TBCA: variants seen among roughly 807,000 people sequenced by gnomAD.
TBCA encodes the protein tubulin folding cofactor A, also known as tubulin-specific chaperone A.
In TBCA, 6 loss-of-function variants were observed where a neutral mutation model predicts 15.8. The ratio of observed to expected loss-of-function variants is 0.38; its 90% CI spans 0.21 to 0.75. TBCA has a LOEUF of 0.75. Ranked by LOEUF, TBCA falls within the 30% of genes least tolerant of loss-of-function variation. TBCA has a pLI of 0.46. For synonymous variants in TBCA, 32 were observed against 42.3 expected (o/e 0.76, Z 0.94); for missense variants, 90 against 131.2 (o/e 0.69, Z 1.53).
At chr5:77,764,857 C>T (rs1322120611) in intron 1 of TBCA, among the ~76,000 whole-genome samples, 1 of 152,116 alleles carries the variant, frequency 6.6e-6, no homozygotes, top group Admixed American at 6.5e-5. Flanking sequence ...CCATCCCAAA[C>T]AAGAAAACAT....
Position 77,771,624 on chromosome 5 carries a change from G to A in TBCA, c.53+4581C>T, listed in dbSNP as rs72772842. ...GGCTGCTATCCATTAGGTCAACTCT[G>A]CCATTTTGCCAACATGCTGAAATGG... On this transcript the variant is annotated intron_variant, in intron 1 of 3. Transcript: ENST00000380377. Among the ~76,000 whole-genome samples, 1,433 of 152,262 alleles carry A rather than the reference G, an allele frequency of 9.4e-3. 14 individuals carry two copies. Among genetic ancestry groups the A allele is most frequent in the Non-Finnish European group, 0.015 (1,042 of 68,026 alleles).
chr5:77,716,078 TAAG>T (rs982698980), intron 1 of TBCA, among the ~76,000 whole-genome samples: 16 of 152,242 alleles, frequency 1.1e-4, no homozygotes, highest in Admixed American at 9.8e-4. Context: ...TGATCCTATT[TAAG>T]TAGTATTATC....
intron 1 of TBCA, 127 bp downstream of exon 1, chr5:77,776,078 G>A (rs993983160): frequency 8.7e-5 from 104 of 1,201,374 alleles, no homozygotes; most frequent in Non-Finnish European, 1.1e-4. Context: ...GCCAACTGCG[G>A]AGCCCCGGGT....
chr5:77,765,881 C>CAAAAAAAAAAAAAAAAAGA (rs1747761082), intron 1 of TBCA, among the ~76,000 whole-genome samples: 1 of 130,412 alleles, frequency 7.7e-6, no homozygotes, highest in Non-Finnish European at 1.6e-5. Context: ...AAACTAGGGC[C>CAAAAAAAAAAAAAAAAAGA]AAAAAAAAAA....
chr5:77,721,075 G>C (rs1746519635), intron 1 of TBCA, among the ~76,000 whole-genome samples: 1 of 152,126 alleles, frequency 6.6e-6, no homozygotes, highest in East Asian at 1.9e-4. Flanking sequence ...AAGAAAATTT[G>C]GATGGAAATG....
chr5:77,750,226 A>G (rs989361602), intron 1 of TBCA, among the ~76,000 whole-genome samples: 2 of 151,936 alleles, frequency 1.3e-5, no homozygotes, highest in African/African-American at 4.8e-5. Flanking sequence ...TATGATATAC[A>G]TATGATATAT....
chr5:77,728,918 C>T (rs1394122714), intron 1 of TBCA, among the ~76,000 whole-genome samples: 4 of 151,926 alleles, frequency 2.6e-5, no homozygotes, highest in East Asian at 3.9e-4. Context: ...TCTGTGGGCC[C>T]GCCATAAGTG....
At chr5:77,760,922 T>G (rs1747610451) in intron 1 of TBCA, among the ~76,000 whole-genome samples, 1 of 143,344 alleles carries the variant, frequency 7.0e-6, no homozygotes, top group Non-Finnish European at 1.5e-5. Flanking sequence ...TGGCCACCCA[T>G]CGTCTGGGAA....
At chr5:77,692,200 T>C (rs1039742950) in intron 3 of TBCA, 48 of 985,168 alleles carry the variant, frequency 4.9e-5, no homozygotes, top group Non-Finnish European at 5.3e-5. Flanking sequence ...TTATGTCAGG[T>C]CAATAAAAGA....
intron 1 of TBCA, among the ~76,000 whole-genome samples, chr5:77,752,049 G>A (rs1409644747): frequency 1.3e-5 from 2 of 152,116 alleles, no homozygotes; most frequent in African/African-American, 4.8e-5. Flanking sequence ...ACATATACTC[G>A]TCAGCAATTG....
chr5:77,771,699 A>G (rs887372821), intron 1 of TBCA, among the ~76,000 whole-genome samples: 4 of 152,086 alleles, frequency 2.6e-5, no homozygotes, highest in Non-Finnish European at 4.4e-5. Context: ...ACCATCATCT[A>G]CTTATTGCCT....
intron 1 of TBCA, among the ~76,000 whole-genome samples, chr5:77,755,306 C>T (rs1355955779): frequency 6.6e-6 from 1 of 152,188 alleles, no homozygotes. Flanking sequence ...AGGCCAGGCA[C>T]GGTGGCTCAC....
chr5:77,760,442 T>C (rs1747589718), intron 1 of TBCA, among the ~76,000 whole-genome samples: 1 of 152,106 alleles, frequency 6.6e-6, no homozygotes. Flanking sequence ...CTTTCTTTCT[T>C]TCGACAGTCT....
chr5:77,746,440 G>A (rs1747189378), intron 1 of TBCA, among the ~76,000 whole-genome samples: 1 of 151,930 alleles, frequency 6.6e-6, no homozygotes, highest in Non-Finnish European at 1.5e-5. Flanking sequence ...CTGGGATAAG[G>A]GAAGATTGTC....
intron 1 of TBCA, among the ~76,000 whole-genome samples, chr5:77,712,864 T>C (rs1054246390): frequency 6.6e-6 from 1 of 152,164 alleles, no homozygotes; most frequent in East Asian, 1.9e-4. Context: ...TTTGAAAGAT[T>C]TGGAATTCAC....
chr5:77,728,785 T>C (rs940017558), intron 1 of TBCA, among the ~76,000 whole-genome samples: 6 of 152,112 alleles, frequency 3.9e-5, no homozygotes, highest in African/African-American at 1.2e-4. Flanking sequence ...TAACCTGACA[T>C]AGTAGGTCTC....
intron 1 of TBCA, among the ~76,000 whole-genome samples, chr5:77,747,495 T>C (rs1747214246): frequency 6.6e-6 from 1 of 152,136 alleles, no homozygotes; most frequent in African/African-American, 2.4e-5. Flanking sequence ...AAGAATCAGA[T>C]ATGGCAAGCG....
intron 2 of TBCA, among the ~76,000 whole-genome samples, chr5:77,700,044 A>AAAG (rs1554043240): frequency 6.6e-6 from 1 of 150,756 alleles, no homozygotes; most frequent in Non-Finnish European, 1.5e-5. Context: ...AAAAAAAAAA[A>AAAG]AAAAAAGAAA....
intron 1 of TBCA, among the ~76,000 whole-genome samples, chr5:77,719,632 T>C (rs1746484199): frequency 6.6e-6 from 1 of 152,178 alleles, no homozygotes; most frequent in Non-Finnish European, 1.5e-5. Flanking sequence ...AAAAATAAGT[T>C]AGACATTTTA....
Sources: gnomAD v4.1 joint callset for allele counts (sites outside exome capture counted in the v4.1 genomes callset) on GRCh38, gnomAD v4.1.1 for gene constraint, MANE v1.5 for transcripts, NCBI Gene and HGNC (gene_info 2026-07-23, HGNC 2026-07-21) for gene names.